Variants in OTOG observed in about 807,000 individuals in gnomAD.
OTOG encodes otogelin.
Under a neutral mutation model 313.8 loss-of-function variants are expected in OTOG, and 296 were observed. That is an observed-to-expected ratio of 0.94 (90% CI 0.86 to 1.04). The LOEUF (loss-of-function observed/expected upper bound fraction) is 1.04, where lower values mean the gene tolerates loss of function less well. Ranked by LOEUF, OTOG falls within the 50% of genes least tolerant of loss-of-function variation. The pLI is 0.00. For synonymous variants in OTOG, 1,533 were observed against 1,554.9 expected, an observed-to-expected ratio of 0.99 and a Z score of 0.33; for missense variants, 3,948 against 3,840.1, an observed-to-expected ratio of 1.03 and a Z score of -0.74.
At chr11:17,557,097 G>A (rs1565090360) in intron 7 of OTOG, 21 bp from the exon 8 acceptor site, 1 of 1,546,978 alleles carries the variant, frequency 6.5e-7, no homozygotes, top group Non-Finnish European at 8.7e-7. Flanking sequence ...ATACCCTGAA[G>A]CTCTGGGATG....
intron 40 of OTOG, among the ~76,000 whole-genome samples, chr11:17,629,948 G>A (rs11024348): frequency 0.029 from 4,482 of 151,958 alleles, 232 homozygotes; most frequent in African/African-American, 0.1. Flanking sequence ...TACCATGATT[G>A]TGACGATGGG....
At chr11:17,638,788 G>T (rs1847907350) in intron 48 of OTOG, 1 of 1,509,800 alleles carries the variant, frequency 6.6e-7, no homozygotes, top group Admixed American at 2.0e-5. Flanking sequence ...TTCCAAAGAG[G>T]GTTTCCGTCT....
rs1170556370 is a variant in OTOG at position 17,632,147 on chromosome 11, C to T, written c.6993C>T (p.Pro2331=). The change falls in exon 42 of 56, where the codon CCC becomes CCT. Residue 2331 remains proline, a synonymous_variant. Coordinates refer to ENST00000399397, the MANE Select transcript of OTOG (RefSeq NM_001292063.2). ...WIRDTKYVQQ[P]CVALTVYVAM... is the part of the protein sequence containing the mutation. ...GGGACACCAAGTACGTGCAGCAGCC[C>T]TGCGTGGCCCTGACTGTGTACGTGG... 1 of 1,551,042 alleles carries T rather than the reference C, an allele frequency of 6.4e-7. No homozygotes were observed. Among genetic ancestry groups the T allele is most frequent in the East Asian group, 2.4e-5 (1 of 40,922 alleles).
intron 23 of OTOG, among the ~76,000 whole-genome samples, chr11:17,578,895 G>A (rs1320791838): frequency 6.6e-6 from 1 of 152,188 alleles, no homozygotes; most frequent in Non-Finnish European, 1.5e-5. Context: ...GAAAACTCAA[G>A]TTCAGCTCTC....
intron 15 of OTOG, among the ~76,000 whole-genome samples, chr11:17,568,141 T>G (rs544885277): frequency 1.3e-5 from 2 of 152,108 alleles, no homozygotes; most frequent in Non-Finnish European, 2.9e-5. Flanking sequence ...TCTCCTGACC[T>G]CGTGATCCGC....
chr11:17,558,582 C>A lies in OTOG; in HGVS notation c.1041C>A (p.Asp347Glu). 6.4e-7 allele frequency: 1 copy of A among 1,550,434 alleles called. No homozygotes were observed. Among genetic ancestry groups the A allele is most frequent in the Non-Finnish European group, 8.7e-7 (1 of 1,147,002 alleles). The stretch of plus-strand genomic sequence containing the variant: ...AGGCTCTACTGCGGCCCCCCTTTGA[C>A]GCCTGCCACGCCTACGTCAGCCCTC... ...QCEALLRPPF[D>E]ACHAYVSPLP... Residue 347 changes from aspartate to glutamate, a missense_variant, in exon 10 of 56, where the codon GAC becomes GAA. Transcript: ENST00000399397.
rs1259245580 is a variant in OTOG at position 17,574,877 on chromosome 11, C to T, written c.2451C>T (p.Thr817=). 1.3e-6 allele frequency: 2 copies of T among 1,537,510 alleles called. No homozygotes were observed. The highest frequency in any genetic ancestry group is 1.2e-5 in the South Asian group (1 of 81,940). ...CVEGCACPPD[T]YLDTQADLCV... ...AGGGCTGTGCCTGCCCACCGGACACCTATCTGGACACCCAGGCTGACCTCT... is the reference window on the plus strand; with the variant it reads ...AGGGCTGTGCCTGCCCACCGGACACTTATCTGGACACCCAGGCTGACCTCT... Residue 817 remains threonine, a synonymous_variant, in exon 20 of 56, where the codon ACC becomes ACT. Transcript: ENST00000399397.
intron 6 of OTOG, among the ~76,000 whole-genome samples, chr11:17,555,427 G>GTA (rs1852036364): frequency 6.6e-6 from 1 of 152,102 alleles, no homozygotes; most frequent in East Asian, 1.9e-4. Context: ...GAGTATGTCT[G>GTA]TTGGCCTTCA....
In OTOG at chr11:17,585,383, G is replaced by A. The variant is rs139026831; in HGVS notation, c.2760-1091G>A. 4.8e-3 allele frequency among the ~76,000 whole-genome samples: 737 copies of A among 152,234 alleles called. 5 individuals are homozygous for A. Among genetic ancestry groups the A allele is most frequent in the African/African-American group, 0.017 (709 of 41,546 alleles). On this transcript the variant is annotated intron_variant, in intron 23 of 55. Coordinates refer to ENST00000399397, the MANE Select transcript of OTOG (RefSeq NM_001292063.2). The stretch of plus-strand genomic sequence containing the variant: ...TTTGTTCCAGATATTGGTAATTTGA[G>A]TATTCCTGTCCCCCTTTTTATCATT...
chr11:17,596,724 C>A, intron 29 of OTOG, 127 bp from the exon 30 acceptor site: 1 of 800,454 alleles, frequency 1.2e-6, no homozygotes. Context: ...CTTCACACCT[C>A]ATGAGACAGG....
intron 22 of OTOG, among the ~76,000 whole-genome samples, chr11:17,577,846 A>C (rs1177869903): frequency 6.6e-6 from 1 of 152,154 alleles, no homozygotes; most frequent in Non-Finnish European, 1.5e-5. Flanking sequence ...GGCAGACCTT[A>C]TGGAAGGCTG....
At chr11:17,625,257 A>G (rs1216129863) in intron 39 of OTOG, among the ~76,000 whole-genome samples, 1 of 152,190 alleles carries the variant, frequency 6.6e-6, no homozygotes, top group East Asian at 1.9e-4. Flanking sequence ...GAATGCTTCC[A>G]GGTTTTGTCC....
chr11:17,634,213 GC>G lies in OTOG; in HGVS notation c.7414del (p.Leu2472CysfsTer78). 1 of 1,550,516 alleles carries G rather than the reference GC, an allele frequency of 6.4e-7. No individual in the cohort carries two copies. The highest frequency in any genetic ancestry group is 8.7e-7 in the Non-Finnish European group (1 of 1,146,958). ...TGCCCCAGTCCCCGCCCTGAGAGCT[GC>G]CTGCGATTCGGGGAGGTGGCCTTGC... Reference protein sequence around the residue: ...LGCPSPRPESCLRFGEVALLL... With the variant: ...LGCPSPRPESXLRFGEVALLL... On this transcript the variant is annotated frameshift_variant, in exon 44 of 56. Transcript: ENST00000399397. LOFTEE classifies it high-confidence loss of function.
intron 7 of OTOG, among the ~76,000 whole-genome samples, chr11:17,556,399 A>G (rs1320815365): frequency 6.6e-6 from 1 of 152,104 alleles, no homozygotes; most frequent in Non-Finnish European, 1.5e-5. Context: ...GTCCTTTGTG[A>G]AATCTTTCCT....
rs1400287902 is a variant in OTOG at position 17,570,096 on chromosome 11, G to T, written c.1778-117G>T. On this transcript the variant is annotated intron_variant, in intron 16 of 55. Transcript: ENST00000399397. ...GGCAGGCACGCAGGCAGGCAGGCAG[G>T]CAGGGGGCGAAGACTGGGCCGGGCG... 5 of 905,090 alleles carry T rather than the reference G, an allele frequency of 5.5e-6. No individual in the cohort carries two copies. The East Asian group carries it at 1.3e-4, about 24-fold the overall frequency. The allele number at this position is 905,090 out of a possible 1,614,324, so 56.1% of individuals were successfully genotyped here. A position where few individuals can be genotyped will look rare whatever the true frequency, so the allele number is the denominator to read the frequency against.
rs150336988 is a variant in OTOG, at chr11:17,563,457, CTT to C, written c.1644+1653_1644+1654del. On this transcript the variant is annotated intron_variant, in intron 15 of 55. Transcript: ENST00000399397. Reference sequence around the variant, plus strand: ...AGGCAGAGGACTGGTCTTTCTTCTCCTTTTGGCCTGAGTGTGCCCCTCCCTTC... The same window carrying C: ...AGGCAGAGGACTGGTCTTTCTTCTCCTTGGCCTGAGTGTGCCCCTCCCTTC... Among the ~76,000 whole-genome samples, 363 of 152,346 alleles carry C rather than the reference CTT, an allele frequency of 2.4e-3. 3 individuals are homozygous for C. Among genetic ancestry groups the C allele is most frequent in the African/African-American group, 8.3e-3 (347 of 41,578 alleles).
intron 30 of OTOG, among the ~76,000 whole-genome samples, chr11:17,598,266 T>C (rs1853161420): frequency 6.6e-6 from 1 of 152,186 alleles, no homozygotes; most frequent in Non-Finnish European, 1.5e-5. Context: ...AATATAATAT[T>C]TCTGTAAAAT....
chr11:17,555,207 A>ATGTGTGTGTG (rs57148062), intron 6 of OTOG, among the ~76,000 whole-genome samples: 1,516 of 141,202 alleles, frequency 0.011, 28 homozygotes, highest in African/African-American at 0.035. Flanking sequence ...GGGGGCAGAG[A>ATGTGTGTGTG]TGTGTGTGTG....
At chr11:17,602,796 A>G (rs1853286963) in intron 32 of OTOG, among the ~76,000 whole-genome samples, 2 of 151,418 alleles carry the variant, frequency 1.3e-5, no homozygotes, top group African/African-American at 2.4e-5. Context: ...CCCTAATCCC[A>G]TGCCAAGCAC....
Sources: allele counts gnomAD v4.1 joint callset (sites outside exome capture counted in the v4.1 genomes callset), GRCh38; gene constraint gnomAD v4.1.1; transcripts MANE v1.5; gene names NCBI Gene and HGNC (gene_info 2026-07-23, HGNC 2026-07-21).